GABRG3: variants seen among roughly 807,000 people sequenced by gnomAD.
GABRG3 encodes gamma-aminobutyric acid type A receptor subunit gamma3, also known as gamma-aminobutyric acid receptor subunit gamma-3.
A neutral mutation model predicts 48.8 loss-of-function variants in GABRG3; 25 were observed. That is an observed-to-expected ratio of 0.51 (90% CI 0.37 to 0.72). The LOEUF (loss-of-function observed/expected upper bound fraction) is 0.72, where lower values mean the gene tolerates loss of function less well. GABRG3 is among the 30% of genes least tolerant of loss of function. The probability of loss-of-function intolerance (pLI) is 0.00; values close to 1 mark genes in which losing one functional copy is unlikely to be tolerated. For synonymous variants in GABRG3, 227 were observed against 217.6 expected, an observed-to-expected ratio of 1.04 and a Z score of -0.38; for missense variants, 394 against 577.9, an observed-to-expected ratio of 0.68 and a Z score of 3.26.
intron 3 of GABRG3, among the ~76,000 whole-genome samples, chr15:27,096,793 G>A (rs1347816146): frequency 1.3e-5 from 2 of 150,904 alleles, no homozygotes; most frequent in South Asian, 2.1e-4. Context: ...CTACGTGAAA[G>A]CACTTGTGAA....
intron 7 of GABRG3, among the ~76,000 whole-genome samples, chr15:27,523,588 C>A (rs781630651): frequency 6.6e-6 from 1 of 151,738 alleles, no homozygotes; most frequent in Non-Finnish European, 1.5e-5. Context: ...AATAATCAGT[C>A]ATAAATGTGC....
chr15:27,260,739 A>G (rs1890744357), intron 3 of GABRG3, among the ~76,000 whole-genome samples: 1 of 152,102 alleles, frequency 6.6e-6, no homozygotes, highest in Non-Finnish European at 1.5e-5. Flanking sequence ...GATAAATCAA[A>G]TGTCAAGAAA....
intron 3 of GABRG3, among the ~76,000 whole-genome samples, chr15:27,309,039 CAT>C (rs143199537): frequency 0.05 from 7,464 of 149,874 alleles, 550 homozygotes; most frequent in African/African-American, 0.17. Context: ...ATAATGTAAA[CAT>C]ATGTTTATAT....
chr15:27,114,749 G>T (rs1432892118), intron 3 of GABRG3, among the ~76,000 whole-genome samples: 1 of 151,840 alleles, frequency 6.6e-6, no homozygotes, highest in Non-Finnish European at 1.5e-5. Context: ...ATAATGAAAG[G>T]TGCAGACTTA....
At chr15:27,224,100 T>C (rs1031024540) in intron 3 of GABRG3, among the ~76,000 whole-genome samples, 1 of 152,142 alleles carries the variant, frequency 6.6e-6, no homozygotes, top group African/African-American at 2.4e-5. Context: ...GTGGAAGCCG[T>C]GGACTGAGCT....
In GABRG3 at chr15:26,974,252, G is replaced by A. The variant is rs951116733; in HGVS notation, c.53+2664G>A. ...TTTCTTTTTCTTGGTCCCCCTCACT[G>A]CCACCTGTCCTGGCCTCTAAGGAGG... On this transcript the variant is annotated intron_variant, in intron 1 of 9. Coordinates refer to ENST00000615808, the MANE Select transcript of GABRG3 (RefSeq NM_033223.5). This position sits in a 1 kb window ranked among gnomAD's most constrained non-coding sequence, Gnocchi z 4.3. Among the ~76,000 whole-genome samples, 3 of 152,134 alleles carry A rather than the reference G, an allele frequency of 2.0e-5. No individual in the cohort carries two copies. The highest frequency in any genetic ancestry group is 4.4e-5 in the Non-Finnish European group (3 of 68,036).
chr15:27,163,479 A>G (rs71465217), intron 3 of GABRG3, among the ~76,000 whole-genome samples: 82 of 152,126 alleles, frequency 5.4e-4, no homozygotes, highest in Middle Eastern at 3.4e-3. Flanking sequence ...ATGTGATCAC[A>G]TGGAGCATTT....
chr15:27,418,752 C>T (rs1888018697), intron 5 of GABRG3: 1 of 152,160 alleles, frequency 6.6e-6, no homozygotes, highest in South Asian at 2.1e-4. Context: ...CTTTTTCAAC[C>T]TGGGGGAAGG....
intron 3 of GABRG3, among the ~76,000 whole-genome samples, chr15:27,197,591 G>A (rs192880297): frequency 1.8e-4 from 27 of 152,094 alleles, no homozygotes; most frequent in Admixed American, 1.4e-3. Context: ...GGTGCATTTA[G>A]AAGTAAACAT....
At chr15:27,178,909 G>A (rs1262539592) in intron 3 of GABRG3, among the ~76,000 whole-genome samples, 1 of 152,214 alleles carries the variant, frequency 6.6e-6, no homozygotes, top group Non-Finnish European at 1.5e-5. Flanking sequence ...GGCAGAGGGA[G>A]TGGTACGTAA....
intron 5 of GABRG3, among the ~76,000 whole-genome samples, chr15:27,351,730 A>G (rs1027046584): frequency 7.0e-6 from 1 of 143,126 alleles, no homozygotes; most frequent in Non-Finnish European, 1.5e-5. Flanking sequence ...GTGTGTATAT[A>G]TATGTGTGTA....
chr15:27,350,891 G>A (rs1257709202), intron 5 of GABRG3, among the ~76,000 whole-genome samples: 2 of 150,984 alleles, frequency 1.3e-5, no homozygotes, highest in East Asian at 2.0e-4. Context: ...TGTGTGTGTC[G>A]TGTGTGTTTG....
chr15:27,350,038 T>A, intron 5 of GABRG3: 1 of 453,820 alleles, frequency 2.2e-6, no homozygotes, highest in South Asian at 1.6e-5. Flanking sequence ...CAGGTTAGGG[T>A]TGCAGTTTTC....
chr15:27,022,251 C>G (rs1895908921), intron 2 of GABRG3, among the ~76,000 whole-genome samples: 1 of 152,232 alleles, frequency 6.6e-6, no homozygotes. Context: ...CTTGCCACTT[C>G]ACGCTGGAAA....
intron 3 of GABRG3, among the ~76,000 whole-genome samples, chr15:27,306,673 T>A (rs1434109061): frequency 1.2e-5 from 1 of 80,464 alleles, no homozygotes; most frequent in Non-Finnish European, 2.7e-5. Flanking sequence ...TGTTTATATA[T>A]AAACATATAT....
At chr15:27,264,773 CA>C (rs1047783506) in intron 3 of GABRG3, among the ~76,000 whole-genome samples, 7 of 151,930 alleles carry the variant, frequency 4.6e-5, no homozygotes, top group Non-Finnish European at 8.8e-5. Context: ...CAAATTAAAA[CA>C]AAAAAATCTT....
chr15:27,059,404 A>C (rs905462579), intron 3 of GABRG3, among the ~76,000 whole-genome samples: 1 of 152,220 alleles, frequency 6.6e-6, no homozygotes, highest in Non-Finnish European at 1.5e-5. Context: ...AGCAGTCTCC[A>C]TCACCGTTCT....
Position 26,995,880 on chromosome 15 carries a change from A to G in GABRG3, c.202+18730A>G, listed in dbSNP as rs542846642. Among the ~76,000 whole-genome samples, 43 of 152,210 alleles carry G rather than the reference A, an allele frequency of 2.8e-4. No individual in the cohort carries two copies. The East Asian group carries it at 8.3e-3, about 29-fold the overall frequency. On this transcript the variant is annotated intron_variant, in intron 2 of 9. Coordinates refer to ENST00000615808, the MANE Select transcript of GABRG3 (RefSeq NM_033223.5). ...TGTCTTTTTTATATGCACCATTTAAATAACATATTTATTTATCATTTATGA... is the reference window on the plus strand; with the variant it reads ...TGTCTTTTTTATATGCACCATTTAAGTAACATATTTATTTATCATTTATGA...
intron 3 of GABRG3, among the ~76,000 whole-genome samples, chr15:27,221,703 T>C (rs956159765): frequency 6.6e-6 from 1 of 152,204 alleles, no homozygotes; most frequent in Non-Finnish European, 1.5e-5. Context: ...AATGTCTAAA[T>C]GGCCCTTAAT....
Sources: gnomAD v4.1 joint callset for allele counts (sites outside exome capture counted in the v4.1 genomes callset) on GRCh38, gnomAD v4.1.1 for gene constraint, Gnocchi (gnomAD v3.1) non-coding constraint, MANE v1.5 for transcripts, NCBI Gene and HGNC (gene_info 2026-07-23, HGNC 2026-07-21) for gene names.